Variants in KIR2DL4 observed in about 807,000 individuals in gnomAD.
KIR2DL4 encodes killer cell immunoglobulin-like receptor 2DL4.
A neutral mutation model predicts 31.0 loss-of-function variants in KIR2DL4; 41 were observed. The observed-to-expected ratio is 1.32, with a 90% CI of 1.03 to 1.72. The LOEUF (loss-of-function observed/expected upper bound fraction) is 1.72. Among genes scored for constraint, KIR2DL4 ranks in the 40% most tolerant of loss-of-function variants. The pLI is 0.00. For missense variants in KIR2DL4, 438 were observed against 353.7 expected (o/e 1.24, Z -1.91); for synonymous variants, 164 against 133.6 (o/e 1.23, Z -1.57).
At chr19:54,805,158 C>T (rs1294289435) in intron 3 of KIR2DL4, 81 bp downstream of exon 3, 13 of 1,375,802 alleles carry the variant, frequency 9.4e-6, no homozygotes, top group African/African-American at 7.4e-5. Flanking sequence ...CACCAGAGTC[C>T]GATCATCCAG....
intron 3 of KIR2DL4, 29 bp from the exon 4 acceptor site, chr19:54,805,922 C>T: frequency 1.3e-6 from 2 of 1,578,630 alleles, no homozygotes; most frequent in Non-Finnish European, 1.7e-6. Flanking sequence ...GAAGAACCTC[C>T]CTGAGGAAAC....
At chr19:54,809,055 C>T (rs1286131386) in intron 5 of KIR2DL4, among the ~76,000 whole-genome samples, 172 bp downstream of exon 5, 2 of 151,322 alleles carry the variant, frequency 1.3e-5, no homozygotes, top group Non-Finnish European at 2.9e-5. Context: ...GCACAGGGCT[C>T]AGTGAAATCT....
At chr19:54,805,221 G>A in intron 3 of KIR2DL4, 144 bp downstream of exon 3, 1 of 781,814 alleles carries the variant, frequency 1.3e-6, no homozygotes, top group Non-Finnish European at 2.0e-6. Context: ...AATGGGTGCT[G>A]TGTTGGAAAG....
chr19:54,814,064 T>C, exon 8 of KIR2DL4: 1 of 1,612,084 alleles, frequency 6.2e-7, no homozygotes, highest in South Asian at 1.1e-5. Context: ...AACAGCCCTG[T>C]CTCAAACCCA....
intron 5 of KIR2DL4, 124 bp downstream of exon 5, chr19:54,809,007 A>G (rs796362882): frequency 1.2e-6 from 1 of 815,714 alleles, no homozygotes; most frequent in Non-Finnish European, 2.2e-6. Flanking sequence ...TTGTCTCTGA[A>G]CCCCAGACAC....
intron 6 of KIR2DL4, 54 bp from the exon 6 acceptor site, chr19:54,813,636 A>C: frequency 1.3e-6 from 2 of 1,568,484 alleles, no homozygotes; most frequent in Non-Finnish European, 1.8e-6. Flanking sequence ...TGTTCATGAA[A>C]TGAGGACCCA....
In KIR2DL4 at chr19:54,806,398, A is replaced by G. The variant is rs1448748829; in HGVS notation, c.655+154A>G. On this transcript the variant is annotated intron_variant, in intron 4 of 7. Coordinates refer to ENST00000359085, the Ensembl canonical transcript of KIR2DL4. ...CAGGGCACAGGATGGCAGACAGGGCACCTCCAAACCCTCCTGCATGGCCTG... is the reference window on the plus strand; with the variant it reads ...CAGGGCACAGGATGGCAGACAGGGCGCCTCCAAACCCTCCTGCATGGCCTG... Among the ~76,000 whole-genome samples the G allele has an allele frequency of 4.6e-5, 7 of 151,190 alleles. 1 individual carries two copies. The highest frequency in any genetic ancestry group is 1.7e-4 in the African/African-American group (7 of 40,892).
intron 4 of KIR2DL4, among the ~76,000 whole-genome samples, chr19:54,807,745 A>G (rs1423407685): frequency 1.3e-5 from 2 of 148,784 alleles, no homozygotes; most frequent in Admixed American, 6.7e-5. Context: ...ATCTCTTTTT[A>G]GTTTTTAAGG....
At chr19:54,805,801 A>T in intron 3 of KIR2DL4, 150 bp from the exon 4 acceptor site, 1 of 767,278 alleles carries the variant, frequency 1.3e-6, no homozygotes, top group Middle Eastern at 3.7e-4. Context: ...CCACATAGGG[A>T]GGGATCGACA....
chr19:54,814,174 T>G, exon 8 of KIR2DL4: 18 of 1,566,544 alleles, frequency 1.1e-5, no homozygotes, highest in Non-Finnish European at 1.5e-5. Context: ...TGCCTGTCTC[T>G]TGCTTACCAA....
intron 5 of KIR2DL4, among the ~76,000 whole-genome samples, chr19:54,812,621 G>A (rs1433216993): frequency 2.0e-5 from 3 of 150,286 alleles, no homozygotes; most frequent in South Asian, 2.1e-4. Context: ...TTCTGGCTGC[G>A]GCCTCAGGCT....
At chr19:54,810,548 G>A (rs1433957494) in intron 5 of KIR2DL4, among the ~76,000 whole-genome samples, 1 of 151,654 alleles carries the variant, frequency 6.6e-6, no homozygotes, top group Non-Finnish European at 1.5e-5. Flanking sequence ...TGGAAGATTG[G>A]CGGAAGGATT....
At chr19:54,813,763 C>T in intron 7 of KIR2DL4, 21 bp downstream of exon 6, 2 of 1,611,562 alleles carry the variant, frequency 1.2e-6, no homozygotes, top group Non-Finnish European at 1.7e-6. Context: ...CTAGCCCAGC[C>T]TCATGGATAC....
intron 2 of KIR2DL4, 33 bp downstream of exon 2, chr19:54,803,959 T>C: frequency 6.3e-7 from 1 of 1,594,142 alleles, no homozygotes; most frequent in Non-Finnish European, 8.6e-7. Flanking sequence ...GGTTGCCATC[T>C]TCACCCCAAT....
chr19:54,805,675 A>G (rs2060471281), intron 3 of KIR2DL4, among the ~76,000 whole-genome samples: 1 of 151,104 alleles, frequency 6.6e-6, no homozygotes, highest in East Asian at 1.9e-4. Context: ...TTCTCCAGCA[A>G]CAACAGGAAA....
chr19:54,804,416 G>T (rs1362417703), intron 2 of KIR2DL4, among the ~76,000 whole-genome samples: 1 of 151,192 alleles, frequency 6.6e-6, no homozygotes. Context: ...AGAGGTGGGG[G>T]AACCACAGCC....
chr19:54,806,266 C>A (rs2147901885), intron 4 of KIR2DL4, 22 bp downstream of exon 4: 1 of 1,603,204 alleles, frequency 6.2e-7, no homozygotes, highest in East Asian at 2.2e-5. Flanking sequence ...CAATGTCTGT[C>A]CCATGTCCTA....
intron 5 of KIR2DL4, among the ~76,000 whole-genome samples, chr19:54,809,298 T>C (rs1423768759): frequency 6.6e-6 from 1 of 150,570 alleles, no homozygotes; most frequent in African/African-American, 2.5e-5. Context: ...CCAACCCTGG[T>C]TGACTTAGTG....
intron 3 of KIR2DL4, among the ~76,000 whole-genome samples, chr19:54,805,452 C>T (rs1480356839): frequency 6.6e-6 from 1 of 150,502 alleles, no homozygotes; most frequent in Non-Finnish European, 1.5e-5. Flanking sequence ...TCGTGGGATA[C>T]TCCACCAGCC....
Sources: gnomAD v4.1 joint callset for allele counts (sites outside exome capture counted in the v4.1 genomes callset) on GRCh38, gnomAD v4.1.1 for gene constraint, MANE v1.5 for transcripts, NCBI Gene and HGNC (gene_info 2026-07-23, HGNC 2026-07-21) for gene names.